Variants in TCF7L2 observed in about 807,000 individuals in gnomAD.
TCF7L2 encodes the protein transcription factor 7-like 2.
TCF7L2 carries 23 observed loss-of-function variants against 77.9 expected under a neutral mutation model. The ratio of observed to expected loss-of-function variants is 0.30; its 90% CI spans 0.21 to 0.42. The LOEUF (loss-of-function observed/expected upper bound fraction) is 0.42, where lower values mean the gene tolerates loss of function less well. Among genes scored for constraint, TCF7L2 ranks in the 10% least tolerant of loss-of-function variants. The pLI, the probability that TCF7L2 is intolerant of heterozygous loss-of-function variation, is 1.00. For missense variants in TCF7L2, 654 were observed against 793.1 expected, an observed-to-expected ratio of 0.82 and a Z score of 2.11; for synonymous variants, 413 against 340.2, an observed-to-expected ratio of 1.21 and a Z score of -2.36.
chr10:113,135,282 C>T (rs558373075), intron 5 of TCF7L2, among the ~76,000 whole-genome samples: 8 of 152,108 alleles, frequency 5.3e-5, no homozygotes, highest in Non-Finnish European at 8.8e-5. Context: ...GCCACAGGGG[C>T]GCCTCCCCCT....
intron 4 of TCF7L2, among the ~76,000 whole-genome samples, chr10:112,985,097 GC>G (rs141832245): frequency 0.014 from 2,203 of 152,226 alleles, 24 homozygotes; most frequent in Middle Eastern, 0.024. Context: ...TGACACAATG[GC>G]CCATGCTAAG....
At chr10:113,158,702 C>T in intron 12 of TCF7L2, 1 of 1,613,954 alleles carries the variant, frequency 6.2e-7, no homozygotes, top group Non-Finnish European at 8.5e-7. Flanking sequence ...TTGCCTTTCA[C>T]TTCCTCCGAT....
intron 5 of TCF7L2, among the ~76,000 whole-genome samples, chr10:113,073,408 G>A (rs1296753698): frequency 8.4e-5 from 12 of 143,622 alleles, no homozygotes; most frequent in East Asian, 2.1e-4. Context: ...GGCTCACTCC[G>A]TAATTCCGGC....
chr10:112,957,190 C>CTTT (rs35054285), intron 3 of TCF7L2, among the ~76,000 whole-genome samples: 22 of 60,684 alleles, frequency 3.6e-4, no homozygotes, highest in South Asian at 1.3e-3. Context: ...ACACCCCCAC[C>CTTT]TTTTTTTTTT....
chr10:113,060,607 T>C (rs548659096), intron 5 of TCF7L2, among the ~76,000 whole-genome samples: 1 of 152,238 alleles, frequency 6.6e-6, no homozygotes, highest in South Asian at 2.1e-4. Flanking sequence ...TTCTGCTTCC[T>C]GTCAGTCAGG....
Position 113,158,795 on chromosome 10 carries a change from C to G in TCF7L2, c.1318+726C>G. 2.2e-6 allele frequency: 3 copies of G among 1,388,996 alleles called. No homozygotes were observed. In the South Asian group the frequency reaches 3.7e-5, roughly 17 times the overall value. The allele number at this position is 1,388,996 out of a possible 1,614,324, so 86.0% of individuals were successfully genotyped here. A position where few individuals can be genotyped will look rare whatever the true frequency, so the allele number is the denominator to read the frequency against. On this transcript the variant is annotated intron_variant, in intron 12 of 13. Coordinates refer to ENST00000627217, the MANE Select transcript of TCF7L2 (RefSeq NM_001146274.2). Reference sequence around the variant, plus strand: ...TTTCTTGCCATTATAGTTTTATTAACATTTAAACACGTATGACATTTGAAC... The same window carrying G: ...TTTCTTGCCATTATAGTTTTATTAAGATTTAAACACGTATGACATTTGAAC...
intron 5 of TCF7L2, among the ~76,000 whole-genome samples, chr10:113,074,585 G>A (rs187713442): frequency 2.0e-5 from 3 of 152,220 alleles, no homozygotes; most frequent in East Asian, 1.9e-4. Context: ...TCATCACTGC[G>A]GGGCTCATCA....
chr10:113,038,509 C>G (rs1270579980), intron 4 of TCF7L2, among the ~76,000 whole-genome samples: 1 of 152,204 alleles, frequency 6.6e-6, no homozygotes, highest in Non-Finnish European at 1.5e-5. Context: ...ATTTGCCAAG[C>G]AGTCGTATCT....
intron 5 of TCF7L2, among the ~76,000 whole-genome samples, chr10:113,136,449 G>A (rs924285216): frequency 3.3e-5 from 5 of 151,840 alleles, no homozygotes; most frequent in Non-Finnish European, 5.9e-5. Context: ...TTTGTGGCTC[G>A]GAGAATCCGT....
intron 5 of TCF7L2, among the ~76,000 whole-genome samples, chr10:113,090,823 T>C (rs1261241166): frequency 6.6e-6 from 1 of 152,144 alleles, no homozygotes; most frequent in African/African-American, 2.4e-5. Context: ...TTAGCCAGGA[T>C]GGTCTCGATC....
chr10:113,091,346 A>G (rs1786808709), intron 5 of TCF7L2, among the ~76,000 whole-genome samples: 1 of 152,198 alleles, frequency 6.6e-6, no homozygotes, highest in South Asian at 2.1e-4. Flanking sequence ...ACTTTTTGAC[A>G]CTATAACATG....
intron 5 of TCF7L2, among the ~76,000 whole-genome samples, chr10:113,089,135 G>T (rs1207560121): frequency 6.6e-6 from 1 of 152,194 alleles, no homozygotes; most frequent in Non-Finnish European, 1.5e-5. Flanking sequence ...CCCATTAGGA[G>T]AATGGTGGGT....
chr10:113,108,283 G>A (rs1331047638), intron 5 of TCF7L2, among the ~76,000 whole-genome samples: 6 of 152,280 alleles, frequency 3.9e-5, no homozygotes, highest in South Asian at 4.1e-4. Context: ...CCTCTGCTCC[G>A]CCTGAGGTGA....
chr10:113,062,705 G>A (rs975562665), intron 5 of TCF7L2, among the ~76,000 whole-genome samples: 10 of 152,082 alleles, frequency 6.6e-5, no homozygotes, highest in Admixed American at 2.0e-4. Context: ...CCAATTAAGC[G>A]TCCATTAAGT....
chr10:113,151,052 G>A lies in TCF7L2; in HGVS notation c.930G>A (p.Pro310=), dbSNP rs113767743. Reference sequence around the variant, plus strand: ...ATACGCTACACACGACGGGCATTCCGCATCCGGCCATAGTCACACCAACAG... The same window carrying A: ...ATACGCTACACACGACGGGCATTCCACATCCGGCCATAGTCACACCAACAG... Residue 310 remains proline, a synonymous_variant, in exon 9 of 14, where the codon CCG becomes CCA. Coordinates refer to ENST00000627217, the MANE Select transcript of TCF7L2 (RefSeq NM_001146274.2). This position sits in a 1 kb window ranked among gnomAD's most constrained non-coding sequence, Gnocchi z 5.2. 2.5e-5 allele frequency: 40 copies of A among 1,613,996 alleles called. No homozygotes were observed. The African/African-American group carries it at 2.7e-4, about 11-fold the overall frequency.
At chr10:113,092,769 CAGG>C (rs1191561459) in intron 5 of TCF7L2, among the ~76,000 whole-genome samples, 1 of 152,186 alleles carries the variant, frequency 6.6e-6, no homozygotes, top group African/African-American at 2.4e-5. Context: ...GAGGCTGAGG[CAGG>C]AGAATTGCTT....
At chr10:113,146,177 C>T (rs1490954009) in intron 8 of TCF7L2, 80 bp downstream of exon 8, 1 of 1,255,564 alleles carries the variant, frequency 8.0e-7, no homozygotes, top group Non-Finnish European at 1.2e-6. Context: ...ACCAAGCCAC[C>T]CAGGGACCAC....
intron 5 of TCF7L2, among the ~76,000 whole-genome samples, chr10:113,041,625 A>G (rs1369496084): frequency 6.6e-6 from 1 of 152,200 alleles, no homozygotes; most frequent in East Asian, 1.9e-4. Context: ...GACAGTGCAT[A>G]GGTGTAAAGA....
chr10:113,073,099 C>CCT (rs145753150), intron 5 of TCF7L2, among the ~76,000 whole-genome samples: 7,644 of 102,784 alleles, frequency 0.074, 314 homozygotes, highest in East Asian at 0.15. Context: ...AGGGCCAGGT[C>CCT]GTGTGTGTGT....
Sources: allele counts gnomAD v4.1 joint callset (sites outside exome capture counted in the v4.1 genomes callset), GRCh38; gene constraint gnomAD v4.1.1; non-coding constraint Gnocchi (gnomAD v3.1); transcripts MANE v1.5; gene names NCBI Gene and HGNC (gene_info 2026-07-23, HGNC 2026-07-21).